ABCB4: variants seen among roughly 807,000 people sequenced by gnomAD.
The protein encoded by ABCB4 is ATP binding cassette subfamily B member 4.
Under a neutral mutation model 145.7 loss-of-function variants are expected in ABCB4, and 76 were observed. The ratio of observed to expected loss-of-function variants is 0.52; its 90% confidence interval spans 0.43 to 0.63. The LOEUF (loss-of-function observed/expected upper bound fraction) is 0.63. Among genes scored for constraint, ABCB4 ranks in the 30% least tolerant of loss-of-function variants. The pLI is 0.00. For missense variants in ABCB4, 1,234 were observed against 1,553.1 expected (o/e 0.79, Z 3.45); for synonymous variants, 517 against 566.8 (o/e 0.91, Z 1.25).
intron 12 of ABCB4, among the ~76,000 whole-genome samples, chr7:87,442,759 T>C (rs1490378258): frequency 6.6e-6 from 1 of 152,182 alleles, no homozygotes; most frequent in African/African-American, 2.4e-5. Flanking sequence ...TACAATTTTC[T>C]GTAAATTCAA....
the ABCB4 span, among the ~76,000 whole-genome samples, chr7:87,384,732 T>TC: frequency 6.6e-6 from 1 of 152,222 alleles, no homozygotes; most frequent in South Asian, 2.1e-4. Flanking sequence ...ATCCCATTCG[T>TC]CCATTTCTGC....
chr7:87,458,434 C>T (rs1210405111), intron 4 of ABCB4, among the ~76,000 whole-genome samples: 1 of 152,098 alleles, frequency 6.6e-6, no homozygotes, highest in Non-Finnish European at 1.5e-5. Context: ...TTTCTTCTAA[C>T]ATGCCTTTCT....
chr7:87,474,211 CATAA>C (rs1813631700), intron 2 of ABCB4, among the ~76,000 whole-genome samples: 1 of 152,164 alleles, frequency 6.6e-6, no homozygotes, highest in African/African-American at 2.4e-5. Context: ...CAGTGCAATA[CATAA>C]ATAGACTTCT....
chr7:87,438,670 G>T (rs1810767665), intron 14 of ABCB4, among the ~76,000 whole-genome samples: 1 of 152,110 alleles, frequency 6.6e-6, no homozygotes, highest in African/African-American at 2.4e-5. Flanking sequence ...GATGGCTTGA[G>T]CCCAGGAGGT....
At chr7:87,419,027 G>A (rs1050547437) in intron 19 of ABCB4, among the ~76,000 whole-genome samples, 2 of 152,158 alleles carry the variant, frequency 1.3e-5, no homozygotes, top group Non-Finnish European at 2.9e-5. Context: ...ATTCTAGGCA[G>A]GAGAAAATAA....
At chr7:87,391,445 G>T in the ABCB4 span, 9 of 700,708 alleles carry the variant, frequency 1.3e-5, no homozygotes, top group African/African-American at 1.5e-4. Context: ...TTGGAAATAG[G>T]CTCTTTTTTG....
chr7:87,450,387 T>C (rs1378538061), intron 7 of ABCB4, among the ~76,000 whole-genome samples: 2 of 152,318 alleles, frequency 1.3e-5, no homozygotes, highest in Admixed American at 1.3e-4. Flanking sequence ...CTACTGTTTT[T>C]CTTTGTTAGT....
chr7:87,408,493 T>C (rs1461725571), intron 24 of ABCB4, among the ~76,000 whole-genome samples: 1 of 152,216 alleles, frequency 6.6e-6, no homozygotes, highest in African/African-American at 2.4e-5. Context: ...TTCTTTAAGA[T>C]ATTCATTTAG....
chr7:87,475,912 T>C (rs1241491937), upstream of ABCB4, among the ~76,000 whole-genome samples: 1 of 151,962 alleles, frequency 6.6e-6, no homozygotes, highest in Non-Finnish European at 1.5e-5. Flanking sequence ...CCGCCCACCC[T>C]GGCGACCCGC....
intron 20 of ABCB4, among the ~76,000 whole-genome samples, chr7:87,417,792 T>A (rs568974969): frequency 8.5e-5 from 13 of 152,132 alleles, no homozygotes; most frequent in Admixed American, 3.3e-4. Flanking sequence ...GCACTGGGGG[T>A]GCATGTATTT....
chr7:87,470,740 A>AG (rs1166973420), intron 3 of ABCB4, among the ~76,000 whole-genome samples: 1 of 152,214 alleles, frequency 6.6e-6, no homozygotes, highest in African/African-American at 2.4e-5. Context: ...GAGGATGTGG[A>AG]GAAATAGGAA....
chr7:87,379,228 A>G, the ABCB4 span, among the ~76,000 whole-genome samples: 1 of 152,182 alleles, frequency 6.6e-6, no homozygotes, highest in Non-Finnish European at 1.5e-5. Flanking sequence ...TCCTCTTAAC[A>G]GTATTTTCCT....
In ABCB4 at chr7:87,475,658, G is replaced by A. The variant is rs1813763422; in HGVS notation, c.-31C>T. 1.6e-6 allele frequency: 1 copy of A among 635,488 alleles called. No individual in the cohort carries two copies. The highest frequency in any genetic ancestry group is 2.6e-5 in the Admixed American group (1 of 39,078). The allele number at this position is 635,488 out of a possible 1,614,324, so 39.4% of individuals were successfully genotyped here. A position where few individuals can be genotyped will look rare whatever the true frequency, so the allele number is the denominator to read the frequency against. ...CCTCGAACCTCGCGCGTGTCTGGCA[G>A]GGCCTCTGGACGCGCGGGCGCTGCA... On this transcript the variant is annotated 5_prime_UTR_variant, in exon 1 of 28. Coordinates refer to ENST00000649586, the MANE Select transcript of ABCB4 (RefSeq NM_000443.4).
chr7:87,424,131 C>T (rs1236918600), intron 16 of ABCB4, 79 bp from the exon 17 acceptor site: 3 of 1,594,334 alleles, frequency 1.9e-6, no homozygotes, highest in South Asian at 1.1e-5. Flanking sequence ...AAGGCATGGC[C>T]ATTGCCCTCA....
At chr7:87,381,995 T>C in the ABCB4 span, 1 of 1,593,862 alleles carries the variant, frequency 6.3e-7, no homozygotes, top group Non-Finnish European at 8.6e-7. Context: ...AGATGGAAGG[T>C]ATGTTTGAAT....
downstream of ABCB4, chr7:87,398,716 G>A: frequency 7.0e-7 from 1 of 1,421,844 alleles, no homozygotes; most frequent in East Asian, 2.3e-5. Context: ...TTGGTAATAT[G>A]AGATGGGAAG....
intron 4 of ABCB4, among the ~76,000 whole-genome samples, chr7:87,457,932 A>C (rs1180387886): frequency 1.3e-5 from 2 of 152,158 alleles, no homozygotes; most frequent in African/African-American, 2.4e-5. Flanking sequence ...CCATCACCTC[A>C]AGCATCTCTC....
intron 4 of ABCB4, among the ~76,000 whole-genome samples, chr7:87,455,350 C>A (rs2116839366): frequency 1.3e-5 from 2 of 152,296 alleles, no homozygotes; most frequent in South Asian, 4.1e-4. Flanking sequence ...TTAATAATAG[C>A]TAATGTTTAT....
At chr7:87,466,322 A>T (rs1454709368) in intron 3 of ABCB4, among the ~76,000 whole-genome samples, 4 of 152,212 alleles carry the variant, frequency 2.6e-5, no homozygotes, top group Admixed American at 2.6e-4. Context: ...AAATGAATGA[A>T]ATGAAACAAG....
Sources: gnomAD v4.1 joint callset for allele counts (sites outside exome capture counted in the v4.1 genomes callset) on GRCh38, gnomAD v4.1.1 for gene constraint, MANE v1.5 for transcripts, NCBI Gene and HGNC (gene_info 2026-07-23, HGNC 2026-07-21) for gene names.